Variants in SHROOM2 observed in about 807,000 individuals in gnomAD.
SHROOM2 encodes protein Shroom2.
A neutral mutation model predicts 75.9 loss-of-function variants in SHROOM2; 33 were observed. The ratio of observed to expected loss-of-function variants is 0.43; its 90% confidence interval spans 0.33 to 0.58. The LOEUF (loss-of-function observed/expected upper bound fraction) is 0.58. Ranked by LOEUF, SHROOM2 falls within the 20% of genes least tolerant of loss-of-function variation. SHROOM2 has a pLI of 0.04. For synonymous variants in SHROOM2, 655 were observed against 663.6 expected (o/e 0.99, Z 0.20); for missense variants, 1,434 against 1,461.2 (o/e 0.98, Z 0.30).
intron 5 of SHROOM2, among the ~76,000 whole-genome samples, chrX:9,918,218 G>A (rs190119912): frequency 1.7e-3 from 190 of 112,810 alleles, no homozygotes; most frequent in Non-Finnish European, 3.1e-3. Flanking sequence ...GTTGAATCAG[G>A]CACAGACAGA....
At chrX:9,847,808 G>A in intron 1 of SHROOM2, among the ~76,000 whole-genome samples, 1 of 112,037 alleles carries the variant, frequency 8.9e-6, no homozygotes, top group Non-Finnish European at 1.9e-5. Flanking sequence ...TAGTCTCTTG[G>A]ACACTTACAG....
intron 1 of SHROOM2, among the ~76,000 whole-genome samples, chrX:9,845,916 C>A (rs1365614923): frequency 9.6e-6 from 1 of 104,191 alleles, no homozygotes; most frequent in South Asian, 4.7e-4. Context: ...CTCCCCAACC[C>A]CCCAAATATA....
chrX:9,890,812 T>C (rs1335883930), intron 2 of SHROOM2, among the ~76,000 whole-genome samples, 165 bp from the exon 3 acceptor site: 1 of 109,487 alleles, frequency 9.1e-6, no homozygotes, highest in Non-Finnish European at 1.9e-5. Context: ...CCCTGCACTG[T>C]TTGGCACAAG....
intron 3 of SHROOM2, among the ~76,000 whole-genome samples, chrX:9,892,266 AAAAAG>A (rs1031975044): frequency 9.2e-6 from 1 of 108,687 alleles, no homozygotes; most frequent in African/African-American, 3.3e-5. Flanking sequence ...AAAAAAAAAA[AAAAAG>A]AAAAGAAAAA....
chrX:9,933,020 A>G (rs768358671), intron 6 of SHROOM2, 150 bp downstream of exon 6: 6 of 469,050 alleles, frequency 1.3e-5, no homozygotes, highest in Non-Finnish European at 2.1e-5. Context: ...CTGTGTGGAC[A>G]GAAAGTGAAG....
At chrX:9,830,830 C>A (rs1703358793) in intron 1 of SHROOM2, among the ~76,000 whole-genome samples, 5 of 110,527 alleles carry the variant, frequency 4.5e-5, no homozygotes, top group Admixed American at 3.9e-4. Context: ...TCACGAACTC[C>A]TGGACCTCAG....
At chrX:9,807,393 G>C (rs746147558) in intron 1 of SHROOM2, among the ~76,000 whole-genome samples, 4 of 112,370 alleles carry the variant, frequency 3.6e-5, no homozygotes, top group South Asian at 7.4e-4. Context: ...AGGTTGCACA[G>C]GGGGCTGTTT....
chrX:9,824,637 C>T (rs1015656690), intron 1 of SHROOM2, among the ~76,000 whole-genome samples: 38 of 111,133 alleles, frequency 3.4e-4, no homozygotes, highest in Admixed American at 2.6e-3. Context: ...AGCTGGTTTC[C>T]GGAGCTCCCT....
chrX:9,847,454 A>G (rs2084012384), intron 1 of SHROOM2, among the ~76,000 whole-genome samples: 1 of 112,334 alleles, frequency 8.9e-6, no homozygotes, highest in Non-Finnish European at 1.9e-5. Context: ...GAAAATGTCA[A>G]CATACTCTCC....
intron 1 of SHROOM2, among the ~76,000 whole-genome samples, chrX:9,843,212 C>A (rs889535915): frequency 2.8e-5 from 3 of 108,611 alleles, no homozygotes; most frequent in African/African-American, 1.0e-4. Flanking sequence ...TTTTTTCTTC[C>A]AATTACCATA....
chrX:9,849,494 C>T (rs1343955003), intron 1 of SHROOM2, among the ~76,000 whole-genome samples: 1 of 112,002 alleles, frequency 8.9e-6, no homozygotes, highest in South Asian at 3.7e-4. Flanking sequence ...GCTGGGCGGG[C>T]GTGGCTAGGA....
intron 8 of SHROOM2, among the ~76,000 whole-genome samples, chrX:9,943,992 G>T (rs186543627): frequency 1.8e-5 from 2 of 110,330 alleles, no homozygotes; most frequent in African/African-American, 6.6e-5. Context: ...GACCAGCTTG[G>T]CCAACATGGT....
chrX:9,949,058 A>G lies in SHROOM2; in HGVS notation c.*2121A>G, dbSNP rs764139925. 7.2e-5 allele frequency: 15 copies of G among 208,406 alleles called. No individual in the cohort carries two copies. In the South Asian group the frequency reaches 8.7e-4, roughly 12 times the overall value. 17.2% of individuals were successfully genotyped at this position (208,406 alleles called of 1,213,427 possible). On this transcript the variant is annotated 3_prime_UTR_variant, in exon 10 of 10. Transcript: ENST00000380913. ...TTAGGACTTTCTCTTCTACACAGCA[A>G]TACGTCGTGCTCGAGTATCCTTGTA...
In SHROOM2 at chrX:9,871,605, A is replaced by T. The variant is rs1238639178; in HGVS notation, c.166-2047A>T. On this transcript the variant is annotated intron_variant, in intron 1 of 9. Transcript: ENST00000380913. ...TTGAAACCAGTTGGTGACTGAAAAA[A>T]TTGCTGCATATTTTTGTTAGGAGTG... Among the ~76,000 whole-genome samples, 9 of 112,413 alleles carry T rather than the reference A, an allele frequency of 8.0e-5. No individual in the cohort carries two copies. In the Admixed American group the frequency reaches 8.5e-4, roughly 11 times the overall value.
rs146545805 is a variant in SHROOM2 at position 9,895,118 on chromosome X, G to A, written c.1210G>A (p.Ala404Thr). 4.0e-5 allele frequency: 49 copies of A among 1,210,411 alleles called. No homozygotes were observed. Among genetic ancestry groups the A allele is most frequent in the Non-Finnish European group, 5.3e-5 (47 of 895,237 alleles). Reference sequence around the variant, plus strand: ...CAGCTGGCCGCCCTCCAAGGATGGAGCTTCCAGTAGGCTGCAGGCCTCTCT... The same window carrying A: ...CAGCTGGCCGCCCTCCAAGGATGGAACTTCCAGTAGGCTGCAGGCCTCTCT... Reference protein sequence around the residue: ...DGSWPPSKDGASSRLQASLSS... With the variant: ...DGSWPPSKDGTSSRLQASLSS... The change falls in exon 4 of 10, where the codon GCT becomes ACT. Residue 404 changes from alanine to threonine, a missense_variant. Around this residue, in one of 3 missense-constraint regions of SHROOM2, gnomAD observed 1,340 missense variants for 1,338.3 expected, o/e 1.00. Coordinates refer to ENST00000380913, the MANE Select transcript of SHROOM2 (RefSeq NM_001649.4).
At position 9,948,380 on chromosome X, in the gene SHROOM2, C is replaced by T. The variant is rs1472975503; in HGVS notation, c.*1443C>T. 4 of 112,726 alleles carry T rather than the reference C, an allele frequency of 3.5e-5. No individual in the cohort carries two copies. Among genetic ancestry groups the T allele is most frequent in the South Asian group, 7.2e-4 (2 of 2,761 alleles). The allele number at this position is 112,726 out of a possible 1,213,427, so 9.3% of individuals were successfully genotyped here. The stretch of plus-strand genomic sequence containing the variant: ...GGTGAGTGAATCCCTTGGGTGACTT[C>T]GTGTTTAGGTCGTATTAGGGCATTT... On this transcript the variant is annotated 3_prime_UTR_variant, in exon 10 of 10. Coordinates refer to ENST00000380913, the MANE Select transcript of SHROOM2 (RefSeq NM_001649.4).
At chrX:9,829,203 T>C (rs1315464979) in intron 1 of SHROOM2, among the ~76,000 whole-genome samples, 1 of 111,564 alleles carries the variant, frequency 9.0e-6, no homozygotes, top group East Asian at 2.8e-4. Context: ...TTTGTATTTT[T>C]AGTAGAGGCG....
At chrX:9,919,839 TC>T (rs1472479896) in intron 5 of SHROOM2, among the ~76,000 whole-genome samples, 7 of 110,806 alleles carry the variant, frequency 6.3e-5, no homozygotes, top group Non-Finnish European at 1.1e-4. Flanking sequence ...CAGACTGACA[TC>T]TCAAATCACT....
Position 9,946,668 on chromosome X carries a change from C to T in SHROOM2, c.4585-3C>T. On this transcript the variant is annotated splice_polypyrimidine_tract_variant and splice_region_variant and intron_variant, in intron 9 of 9. Transcript: ENST00000380913. Reference sequence around the variant, plus strand: ...CTCAACAGGCTTGTTTGTCTGTCAACAGCAATCACTGCTTGAGAAGCAGAG... The same window carrying T: ...CTCAACAGGCTTGTTTGTCTGTCAATAGCAATCACTGCTTGAGAAGCAGAG... 1 of 1,204,085 alleles carries T rather than the reference C, an allele frequency of 8.3e-7. No individual in the cohort carries two copies. The highest frequency in any genetic ancestry group is 1.8e-5 in the South Asian group (1 of 55,429).
Sources: allele counts gnomAD v4.1 joint callset (sites outside exome capture counted in the v4.1 genomes callset), GRCh38; gene constraint gnomAD v4.1.1; regional missense constraint gnomAD v4.1.1; transcripts MANE v1.5; gene names NCBI Gene and HGNC (gene_info 2026-07-23, HGNC 2026-07-21).